The following ZNF69 variants were observed in gnomAD, a reference collection of about 807,000 sequenced individuals.
ZNF69 encodes the protein zinc finger protein 69, also known as ZNF3.
Under a neutral mutation model 50.9 loss-of-function variants are expected in ZNF69, and 47 were observed. The ratio of observed to expected loss-of-function variants is 0.92; its 90% CI spans 0.73 to 1.18. The LOEUF (loss-of-function observed/expected upper bound fraction) is 1.18, where lower values mean the gene tolerates loss of function less well. Among genes scored for constraint, ZNF69 ranks in the 50% most tolerant of loss-of-function variants. The pLI, the probability that ZNF69 is intolerant of heterozygous loss-of-function variation, is 0.00. For missense variants in ZNF69, 717 were observed against 675.1 expected (o/e 1.06, Z -0.69); for synonymous variants, 216 against 223.1 (o/e 0.97, Z 0.29).
At chr19:11,937,290 T>C in the ZNF69 span, among the ~76,000 whole-genome samples, 8 of 152,118 alleles carry the variant, frequency 5.3e-5, no homozygotes. Context: ...TTTCTTTGCA[T>C]TTGCTAATCC....
intron 1 of ZNF69, among the ~76,000 whole-genome samples, chr19:11,891,283 C>T (rs554009384): frequency 2.6e-5 from 4 of 151,618 alleles, no homozygotes; most frequent in East Asian, 3.9e-4. Context: ...AAAAATTAGC[C>T]GGGTGTGGTG....
At chr19:11,966,932 T>A in the ZNF69 span, among the ~76,000 whole-genome samples, 1 of 152,120 alleles carries the variant, frequency 6.6e-6, no homozygotes, top group African/African-American at 2.4e-5. Context: ...AGTTCTGGCT[T>A]TATATTACCA....
the ZNF69 span, among the ~76,000 whole-genome samples, chr19:11,920,826 C>T: frequency 6.6e-6 from 1 of 152,150 alleles, no homozygotes; most frequent in Non-Finnish European, 1.5e-5. Flanking sequence ...TATATACTAC[C>T]AGAACTTGTT....
At chr19:11,917,617 G>A (rs1023565104), downstream of ZNF69, among the ~76,000 whole-genome samples, 7 of 141,462 alleles carry the variant, frequency 4.9e-5, no homozygotes, top group Non-Finnish European at 9.3e-5. Context: ...CTTTCCCCAC[G>A]CATCTGAGAA....
At chr19:11,921,660 G>A in the ZNF69 span, among the ~76,000 whole-genome samples, 2 of 151,938 alleles carry the variant, frequency 1.3e-5, no homozygotes, top group African/African-American at 2.4e-5. Flanking sequence ...CTGCCACTAC[G>A]CCCAGCTAAT....
the ZNF69 span, among the ~76,000 whole-genome samples, chr19:11,963,088 A>AGAGAGAGAGT: frequency 3.7e-4 from 51 of 138,314 alleles, no homozygotes; most frequent in African/African-American, 1.4e-3. Context: ...AGAGAGAGAG[A>AGAGAGAGAGT]GTGTGTGTGT....
chr19:11,910,049 C>T (rs1201131364), downstream of ZNF69, among the ~76,000 whole-genome samples: 2 of 151,448 alleles, frequency 1.3e-5, no homozygotes, highest in East Asian at 3.9e-4. Context: ...AGAGCCAAAT[C>T]ATGAGTGAAC....
intron 1 of ZNF69, among the ~76,000 whole-genome samples, chr19:11,903,102 A>C (rs958141933): frequency 2.0e-5 from 3 of 152,010 alleles, no homozygotes; most frequent in African/African-American, 7.3e-5. Flanking sequence ...GTGCCACTAC[A>C]CTCCAGCCTG....
the ZNF69 span, among the ~76,000 whole-genome samples, chr19:11,944,078 G>T: frequency 3.2e-4 from 49 of 152,290 alleles, no homozygotes; most frequent in African/African-American, 1.2e-3. Flanking sequence ...TCCAGTCCTT[G>T]ATCCACACTC....
At chr19:11,901,895 TA>T (rs1206526820) in intron 1 of ZNF69, among the ~76,000 whole-genome samples, 6 of 152,172 alleles carry the variant, frequency 3.9e-5, no homozygotes, top group African/African-American at 1.4e-4. Flanking sequence ...ATAAGTTCTC[TA>T]AGATGAATTC....
At chr19:11,976,555 CAAAAAA>C in the ZNF69 span, among the ~76,000 whole-genome samples, 5 of 73,814 alleles carry the variant, frequency 6.8e-5, no homozygotes, top group East Asian at 4.4e-4. Flanking sequence ...GACTCTGTCT[CAAAAAA>C]AAAAAAAAAA....
chr19:11,975,624 C>T, the ZNF69 span, among the ~76,000 whole-genome samples: 7 of 150,692 alleles, frequency 4.6e-5, no homozygotes, highest in Non-Finnish European at 8.9e-5. Flanking sequence ...CCTCGTGATC[C>T]GCCCGCCTCG....
At chr19:11,940,335 T>C in the ZNF69 span, among the ~76,000 whole-genome samples, 8 of 152,314 alleles carry the variant, frequency 5.3e-5, no homozygotes, top group African/African-American at 1.9e-4. Context: ...ACCCTTGCGG[T>C]GAGTGTTACA....
At chr19:11,941,809 G>A in the ZNF69 span, among the ~76,000 whole-genome samples, 5 of 152,218 alleles carry the variant, frequency 3.3e-5, no homozygotes, top group South Asian at 2.1e-4. Context: ...CAGGGGAGGC[G>A]CCAAGAGCGA....
chr19:11,977,297 A>G, the ZNF69 span: 1 of 1,605,904 alleles, frequency 6.2e-7, no homozygotes, highest in East Asian at 2.2e-5. Flanking sequence ...GCAGTAAATC[A>G]TAGACATAGA....
At chr19:11,958,501 C>T in the ZNF69 span, among the ~76,000 whole-genome samples, 1 of 152,190 alleles carries the variant, frequency 6.6e-6, no homozygotes, top group Non-Finnish European at 1.5e-5. Flanking sequence ...ACAAAAGACA[C>T]CATAGGTCAG....
Position 11,905,996 on chromosome 19 carries a change from C to G in ZNF69, c.1599C>G (p.Pro533=). The part of the protein sequence containing the change: ...YHERTHTGEK[P]YKCKQCGKAF... ...AAAGGACTCACACTGGAGAGAAACCCTATAAATGCAAGCAATGTGGGAAAG... is the reference window on the plus strand; with the variant it reads ...AAAGGACTCACACTGGAGAGAAACCGTATAAATGCAAGCAATGTGGGAAAG... Residue 533 remains proline (P), a synonymous_variant, in exon 4 of 4, where the codon CCC becomes CCG. Transcript: ENST00000429654. 6.2e-7 allele frequency: 1 copy of G among 1,614,000 alleles called. No individual in the cohort carries two copies. Among genetic ancestry groups the G allele is most frequent in the Non-Finnish European group, 8.5e-7 (1 of 1,179,990 alleles).
the ZNF69 span, chr19:11,977,435 A>T: frequency 6.2e-7 from 1 of 1,613,930 alleles, no homozygotes; most frequent in South Asian, 1.1e-5. Flanking sequence ...ACTTCAGGTA[A>T]TTGGCACTTA....
intron 1 of ZNF69, among the ~76,000 whole-genome samples, chr19:11,889,171 C>A (rs1011255477): frequency 6.6e-6 from 1 of 152,128 alleles, no homozygotes; most frequent in African/African-American, 2.4e-5. Context: ...AAAAAACAGA[C>A]CTGTTTCTCT....
Sources: gnomAD v4.1 joint callset for allele counts (sites outside exome capture counted in the v4.1 genomes callset) on GRCh38, gnomAD v4.1.1 for gene constraint, MANE v1.5 for transcripts, NCBI Gene and HGNC (gene_info 2026-07-23, HGNC 2026-07-21) for gene names.